The following SETBP1 variants were observed in gnomAD, a reference collection of about 807,000 sequenced individuals.
The protein encoded by SETBP1 is SET-binding protein.
Under a neutral mutation model 101.0 loss-of-function variants are expected in SETBP1, and 9 were observed. The ratio of observed to expected loss-of-function variants is 0.09; its 90% CI spans 0.05 to 0.16. SETBP1 has a LOEUF of 0.16. Ranked by LOEUF, SETBP1 falls within the 10% of genes least tolerant of loss-of-function variation. The probability of loss-of-function intolerance (pLI) is 1.00; values close to 1 mark genes in which losing one functional copy is unlikely to be tolerated. For synonymous variants in SETBP1, 818 were observed against 788.5 expected (o/e 1.04, Z -0.63); for missense variants, 1,858 against 2,033.8 (o/e 0.91, Z 1.66).
intron 3 of SETBP1, among the ~76,000 whole-genome samples, chr18:44,945,470 G>A (rs189328954): frequency 7.2e-5 from 11 of 152,204 alleles, no homozygotes; most frequent in East Asian, 1.9e-4. Context: ...TGAAGCATTC[G>A]ACCTAGGCTC....
intron 2 of SETBP1, among the ~76,000 whole-genome samples, chr18:44,852,360 TG>T (rs2072886857): frequency 3.9e-5 from 6 of 152,220 alleles, no homozygotes; most frequent in Non-Finnish European, 8.8e-5. Context: ...CTGGCAGTTG[TG>T]CCCCCACGTT....
At chr18:44,874,229 T>C (rs1453535625) in intron 3 of SETBP1, among the ~76,000 whole-genome samples, 2 of 152,218 alleles carry the variant, frequency 1.3e-5, no homozygotes, top group East Asian at 3.8e-4. Flanking sequence ...TCTATCAAAA[T>C]TACCAGTAAT....
At chr18:44,890,923 C>A (rs1278322600) in intron 3 of SETBP1, among the ~76,000 whole-genome samples, 6 of 152,048 alleles carry the variant, frequency 3.9e-5, no homozygotes, top group African/African-American at 1.4e-4. Context: ...TTGGCAAACA[C>A]TAAATGCTAA....
chr18:45,009,956 C>T (rs1309486626), intron 4 of SETBP1, among the ~76,000 whole-genome samples: 1 of 152,122 alleles, frequency 6.6e-6, no homozygotes, highest in Non-Finnish European at 1.5e-5. Flanking sequence ...CGGTTGTGGT[C>T]TTGCCTTTGG....
chr18:44,817,359 G>C (rs2072001468), intron 2 of SETBP1, among the ~76,000 whole-genome samples: 1 of 152,028 alleles, frequency 6.6e-6, no homozygotes, highest in Non-Finnish European at 1.5e-5. Context: ...GTCGTTGTCA[G>C]ACCACCTCCA....
intron 3 of SETBP1, among the ~76,000 whole-genome samples, chr18:44,891,194 A>G (rs367903851): frequency 7.9e-5 from 12 of 152,070 alleles, no homozygotes; most frequent in African/African-American, 2.9e-4. Flanking sequence ...CAACACCAGC[A>G]TGAGAAAGGC....
intron 2 of SETBP1, among the ~76,000 whole-genome samples, chr18:44,828,131 T>A (rs1313626579): frequency 1.3e-5 from 2 of 152,352 alleles, no homozygotes; most frequent in African/African-American, 4.8e-5. Context: ...TTGTTCAAAC[T>A]ATGATTGAAA....
chr18:44,787,860 C>G (rs1369317119), intron 2 of SETBP1, among the ~76,000 whole-genome samples: 2 of 9,218 alleles, frequency 2.2e-4, no homozygotes, highest in Non-Finnish European at 4.3e-4. Flanking sequence ...GAGTCCGTCT[C>G]AAAAAAAAAA....
intron 2 of SETBP1, among the ~76,000 whole-genome samples, chr18:44,741,032 T>G (rs545280862): frequency 7.2e-5 from 11 of 152,234 alleles, no homozygotes; most frequent in Non-Finnish European, 1.3e-4. Context: ...GACTTTATAA[T>G]TAACTGGCCC....
chr18:45,063,094 A>T lies in SETBP1; in HGVS notation c.4187A>T (p.Lys1396Met), dbSNP rs771262356. The change falls in exon 6 of 6, where the codon AAG (lysine) becomes ATG (methionine). Residue 1396 changes from lysine (K) to methionine (M), a missense_variant. Physicochemically the swap from Lys to Met is moderately conservative, Grantham distance 95. Transcript: ENST00000649279. ...ATSDAVGSSL[K>M]KRFKRREIEA... ...CCTCCCGCAGTCGGCTCCTCCCTGAAGAAGAGGTTCAAGCGGCGGGAGATC... is the reference window on the plus strand; with the variant it reads ...CCTCCCGCAGTCGGCTCCTCCCTGATGAAGAGGTTCAAGCGGCGGGAGATC... 7.4e-6 allele frequency: 12 copies of T among 1,614,004 alleles called. No individual in the cohort carries two copies. In the East Asian group the frequency reaches 2.5e-4, roughly 33 times the overall value.
At position 44,952,214 on chromosome 18, in the gene SETBP1, G is replaced by A. The variant is rs373201270; in HGVS notation, c.2874G>A (p.Glu958=). The stretch of plus-strand genomic sequence containing the variant: ...ACCTCCAGTTTCTGGCAGACCTGGA[G>A]GAGCTAATCACCAAGTTCCAAGTGT... ...RDDLQFLADL[E]ELITKFQVFR... The change falls in exon 4 of 6, where the codon GAG becomes GAA. Residue 958 remains glutamate (E), a synonymous_variant. Coordinates refer to ENST00000649279, the MANE Select transcript of SETBP1 (RefSeq NM_015559.3). The A allele has an allele frequency of 3.1e-6, 5 of 1,614,028 alleles. No individual in the cohort carries two copies. The African/African-American group carries it at 4.0e-5, about 13-fold the overall frequency.
chr18:44,986,928 AGTATAGTATAGTATTGTATT>A (rs1270824256), intron 4 of SETBP1: 1 of 142,040 alleles, frequency 7.0e-6, no homozygotes, highest in Non-Finnish European at 1.5e-5. Context: ...AGTATAGTAT[AGTATAGTATAGTATTGTATT>A]GTATTGTATT....
rs149781122 is a variant in SETBP1 at position 44,727,387 on chromosome 18, C to T, written c.486+25555C>T. On this transcript the variant is annotated intron_variant, in intron 2 of 5. Coordinates refer to ENST00000649279, the MANE Select transcript of SETBP1 (RefSeq NM_015559.3). ...ATCTTAAGGATTTGTTGCTGAATGCCTATCTTCCTGTGGTTCACAAAGACG... is the reference window on the plus strand; with the variant it reads ...ATCTTAAGGATTTGTTGCTGAATGCTTATCTTCCTGTGGTTCACAAAGACG... Among the ~76,000 whole-genome samples the T allele has an allele frequency of 8.4e-4, 128 of 152,268 alleles. 1 individual carries two copies. Among genetic ancestry groups the T allele is most frequent in the African/African-American group, 3.0e-3 (124 of 41,558 alleles).
intron 2 of SETBP1, among the ~76,000 whole-genome samples, chr18:44,717,073 T>G (rs1356924766): frequency 6.6e-6 from 1 of 152,178 alleles, no homozygotes; most frequent in Non-Finnish European, 1.5e-5. Flanking sequence ...AAATGTGGCA[T>G]AGAGAGCTCC....
intron 4 of SETBP1, among the ~76,000 whole-genome samples, chr18:45,019,475 T>A (rs961259352): frequency 5.9e-5 from 9 of 152,352 alleles, no homozygotes; most frequent in South Asian, 4.1e-4. Context: ...GTAATTTTTT[T>A]AAATCTCTTT....
At chr18:44,967,444 A>C (rs1285971946) in intron 4 of SETBP1, among the ~76,000 whole-genome samples, 1 of 152,246 alleles carries the variant, frequency 6.6e-6, no homozygotes, top group African/African-American at 2.4e-5. Flanking sequence ...TTGGTACTCT[A>C]TCATTGTTGT....
intron 4 of SETBP1, among the ~76,000 whole-genome samples, chr18:44,973,890 G>A (rs191205332): frequency 1.3e-5 from 2 of 152,152 alleles, no homozygotes; most frequent in South Asian, 2.1e-4. Context: ...GCTGGCAGAG[G>A]GGGGAGTAGG....
At chr18:44,795,179 T>C (rs2071449888) in intron 2 of SETBP1, among the ~76,000 whole-genome samples, 1 of 152,230 alleles carries the variant, frequency 6.6e-6, no homozygotes, top group Non-Finnish European at 1.5e-5. Context: ...CATGGATATT[T>C]TCCCACTCCT....
intron 4 of SETBP1, among the ~76,000 whole-genome samples, chr18:44,985,027 G>C (rs1422621038): frequency 6.6e-6 from 1 of 152,120 alleles, no homozygotes; most frequent in African/African-American, 2.4e-5. Context: ...TATAATCCCA[G>C]CTACTCGGGA....
Sources: allele counts gnomAD v4.1 joint callset (sites outside exome capture counted in the v4.1 genomes callset), GRCh38; gene constraint gnomAD v4.1.1; transcripts MANE v1.5; gene names NCBI Gene and HGNC (gene_info 2026-07-23, HGNC 2026-07-21).